The following NLRP10 variants were observed in gnomAD, a reference collection of about 807,000 sequenced individuals.
NLRP10 encodes the protein NACHT, LRR and PYD domains-containing protein 10.
Under a neutral mutation model 8.2 loss-of-function variants are expected in NLRP10, and 7 were observed. The ratio of observed to expected loss-of-function variants is 0.85; its 90% CI spans 0.48 to 1.60. The LOEUF (loss-of-function observed/expected upper bound fraction) is 1.60, where lower values mean the gene tolerates loss of function less well. Ranked by LOEUF, NLRP10 falls within the 40% of genes most tolerant of loss-of-function variation. The probability of loss-of-function intolerance (pLI) is 0.00; values close to 1 mark genes in which losing one functional copy is unlikely to be tolerated. For synonymous variants in NLRP10, 338 were observed against 314.0 expected (o/e 1.08, Z -0.81); for missense variants, 814 against 776.3 (o/e 1.05, Z -0.58).
chr11:7,960,120 G>C lies in NLRP10; in HGVS notation c.1492C>G (p.Leu498Val). The C allele has an allele frequency of 2.5e-6, 4 of 1,614,070 alleles. No individual in the cohort carries two copies. The highest frequency in any genetic ancestry group is 3.4e-6 in the Non-Finnish European group (4 of 1,179,984). ...CCTTCCTGCTCCTTTACCTCCAGCAGCCTTTGCACTTCTCTGCGGGACTCC... is the reference window on the plus strand; with the variant it reads ...CCTTCCTGCTCCTTTACCTCCAGCACCCTTTGCACTTCTCTGCGGGACTCC... ...GKESRREVQRLLEVKEQEGND... is the reference protein window; with the variant it reads ...GKESRREVQRVLEVKEQEGND... Residue 498 changes from leucine (L) to valine (V), a missense_variant, in exon 3 of 3, where the codon CTG becomes GTG. Transcript: ENST00000691676.
At position 7,959,485 on chromosome 11, in the gene NLRP10, A is replaced by C. The variant is rs1446686954; in HGVS notation, c.*159T>G. ...GGGATCTTGATTGGGATTGCATTGA[A>C]TCTACAGATCAAACTGGGGAAAACT... On this transcript the variant is annotated 3_prime_UTR_variant, in exon 3 of 3. Transcript: ENST00000691676. The C allele has an allele frequency of 1.9e-6, 1 of 526,400 alleles. No homozygotes were observed. The highest frequency in any genetic ancestry group is 3.7e-5 in the Admixed American group (1 of 26,712). The allele number at this position is 526,400 out of a possible 1,614,324, so 32.6% of individuals were successfully genotyped here.
chr11:7,958,710 C>T lies in NLRP10; in HGVS notation c.*934G>A, dbSNP rs1054107077. On this transcript the variant is annotated 3_prime_UTR_variant, in exon 3 of 3. Coordinates refer to ENST00000691676, the MANE Select transcript of NLRP10 (RefSeq NM_001391958.1). ...GACTACAGGTGTGCACCACCACGCC[C>T]GGCTAACTTTCGTATTTTTAGTAAA... Among the ~76,000 whole-genome samples the T allele has an allele frequency of 3.3e-5, 5 of 152,102 alleles. No homozygotes were observed. Among genetic ancestry groups the T allele is most frequent in the African/African-American group, 4.8e-5 (2 of 41,418 alleles).
rs991168607 is a variant in NLRP10 at position 7,964,446 on chromosome 11, G to C, written c.-46+800C>G. Among the ~76,000 whole-genome samples, 15 of 152,324 alleles carry C rather than the reference G, an allele frequency of 9.8e-5. No individual in the cohort carries two copies. In the East Asian group the frequency reaches 2.7e-3, roughly 27 times the overall value. On this transcript the variant is annotated intron_variant, in intron 1 of 2. Coordinates refer to ENST00000691676, the MANE Select transcript of NLRP10 (RefSeq NM_001391958.1). ...CAAATCCAGATAATGATAGGAAGAG[G>C]AACCGCCACCTGTGAGTGCTGACTT... is the stretch of plus-strand genomic sequence containing the variant.
chr11:7,959,967 TA>T lies in NLRP10; in HGVS notation c.1644del (p.Phe548LeufsTer8). On this transcript the variant is annotated frameshift_variant, in exon 3 of 3. Transcript: ENST00000691676. LOFTEE classifies it low-confidence loss of function (END_TRUNC). ...SPCLAQDLKHFKEQMESMKHN... is the reference protein window; with the variant it reads ...SPCLAQDLKHXKEQMESMKHN... Reference sequence around the variant, plus strand: ...TGCTTCATAGATTCCATCTGTTCTTTAAAATGCTTCAGATCCTGCGCTAAAC... The same window carrying T: ...TGCTTCATAGATTCCATCTGTTCTTTAAATGCTTCAGATCCTGCGCTAAAC... The T allele has an allele frequency of 6.2e-7, 1 of 1,614,154 alleles. No individual in the cohort carries two copies. Among genetic ancestry groups the T allele is most frequent in the Non-Finnish European group, 8.5e-7 (1 of 1,180,016 alleles).
Position 7,958,557 on chromosome 11 carries a change from CT to C in NLRP10, c.*1086del, listed in dbSNP as rs972056239. Among the ~76,000 whole-genome samples, 52 of 145,964 alleles carry C rather than the reference CT, an allele frequency of 3.6e-4. No individual in the cohort carries two copies. Among genetic ancestry groups the C allele is most frequent in the Non-Finnish European group, 4.7e-4 (31 of 66,008 alleles). On this transcript the variant is annotated 3_prime_UTR_variant, in exon 3 of 3. Coordinates refer to ENST00000691676, the MANE Select transcript of NLRP10 (RefSeq NM_001391958.1). The stretch of plus-strand genomic sequence containing the variant: ...TGTCTGTTCCAATCTTTTTACTCAC[CT>C]TTTTTTTTTTGAGGCAGAGTCTCAC...
At position 7,959,396 on chromosome 11, in the gene NLRP10, G is replaced by T; in HGVS notation, c.*248C>A. ...TCTTCAATATTTTATTGGCTATTCT[G>T]AGTCTTTTGCCTTTGCACATAAACA... On this transcript the variant is annotated 3_prime_UTR_variant, in exon 3 of 3. Coordinates refer to ENST00000691676, the MANE Select transcript of NLRP10 (RefSeq NM_001391958.1). 1 of 405,762 alleles carries T rather than the reference G, an allele frequency of 2.5e-6. No homozygotes were observed. The highest frequency in any genetic ancestry group is 4.3e-6 in the Non-Finnish European group (1 of 232,406). The allele number at this position is 405,762 out of a possible 1,614,324, so 25.1% of individuals were successfully genotyped here.
At position 7,960,333 on chromosome 11, in the gene NLRP10, G is replaced by A; in HGVS notation, c.1279C>T (p.Leu427=). The A allele has an allele frequency of 6.2e-7, 1 of 1,614,060 alleles. No individual in the cohort carries two copies. The highest frequency in any genetic ancestry group is 8.5e-7 in the Non-Finnish European group (1 of 1,180,010). Residue 427 remains leucine (L), a synonymous_variant, in exon 3 of 3, where the codon CTA becomes TTA. Transcript: ENST00000691676. ...TTCCTGAGCTCAGCTTCTTCAAATA[G>A]GAACCTCTGGTGCTGAATCCCTTCA... is the stretch of plus-strand genomic sequence containing the variant. ...AAEGIQHQRF[L]FEEAELRKHN...
Position 7,963,264 on chromosome 11 carries a change from A to G in NLRP10, c.232T>C (p.Leu78=), listed in dbSNP as rs1426615450. 6.2e-7 allele frequency: 1 copy of G among 1,614,216 alleles called. No individual in the cohort carries two copies. Among genetic ancestry groups the G allele is most frequent in the Non-Finnish European group, 8.5e-7 (1 of 1,180,032 alleles). The change falls in exon 2 of 3, where the codon TTG becomes CTG. Residue 78 remains leucine, a synonymous_variant. Coordinates refer to ENST00000691676, the MANE Select transcript of NLRP10 (RefSeq NM_001391958.1). ...KEAVKVVLKG[L]KVMNLLELVD... ...AGTTCCAACAGGTTCATGACCTTCA[A>G]GCCCTTGAGGACAACTTTCACAGCC... is the stretch of plus-strand genomic sequence containing the variant.
In NLRP10 at chr11:7,960,154, C is replaced by G; in HGVS notation, c.1458G>C (p.Arg486=). The change falls in exon 3 of 3, where the codon CGG becomes CGC. Residue 486 remains arginine, a synonymous_variant. Transcript: ENST00000691676. The part of the protein sequence containing the change: ...MSYLVKEDQS[R]LGKESRREVQ... The stretch of plus-strand genomic sequence containing the variant: ...CTTCTCTGCGGGACTCCTTCCCCAG[C>G]CGGCTTTGGTCCTCTTTCACCAGGT... 6.2e-7 allele frequency: 1 copy of G among 1,614,082 alleles called. No homozygotes were observed. The highest frequency in any genetic ancestry group is 8.5e-7 in the Non-Finnish European group (1 of 1,179,906).
intron 1 of NLRP10, among the ~76,000 whole-genome samples, chr11:7,963,929 TA>T (rs1201505369): frequency 6.6e-6 from 1 of 152,162 alleles, no homozygotes; most frequent in South Asian, 2.1e-4. Flanking sequence ...TTTTTTATTT[TA>T]TTTTTTTTGG....
Position 7,960,492 on chromosome 11 carries a change from C to A in NLRP10, c.1120G>T (p.Val374Phe), listed in dbSNP as rs200019436. ...LQGQMERGKVVLETPRNSTDI... is the reference protein window; with the variant it reads ...LQGQMERGKVFLETPRNSTDI... The stretch of plus-strand genomic sequence containing the variant: ...GTGCTGTTTCTAGGTGTCTCTAAGA[C>A]AACTTTGCCTCTCTCCATCTGCCCC... The change falls in exon 3 of 3, where the codon GTC becomes TTC. Residue 374 changes from valine (V) to phenylalanine (F), a missense_variant. Transcript: ENST00000691676. 6.2e-7 allele frequency: 1 copy of A among 1,614,168 alleles called. No individual in the cohort carries two copies. The highest frequency in any genetic ancestry group is 2.2e-5 in the East Asian group (1 of 44,874).
At position 7,959,532 on chromosome 11, in the gene NLRP10, C is replaced by A. The variant is rs1314725843; in HGVS notation, c.*112G>T. On this transcript the variant is annotated 3_prime_UTR_variant, in exon 3 of 3. Coordinates refer to ENST00000691676, the MANE Select transcript of NLRP10 (RefSeq NM_001391958.1). ...AACTAACATCTTAACAATATTGAGT[C>A]TTTCTATTCATGAACATGGAAAATC... The A allele has an allele frequency of 1.7e-6, 1 of 600,284 alleles. No homozygotes were observed. The highest frequency in any genetic ancestry group is 3.6e-5 in the Admixed American group (1 of 28,052). 37.2% of individuals were successfully genotyped at this position (600,284 alleles called of 1,614,324 possible).
chr11:7,963,562 G>T, intron 1 of NLRP10, 22 bp from the exon 2 acceptor site: 1 of 1,456,470 alleles, frequency 6.9e-7, no homozygotes, highest in Non-Finnish European at 9.3e-7. Context: ...GGCAAAAGGA[G>T]AGGTCCACTG....
At position 7,959,625 on chromosome 11, in the gene NLRP10, T is replaced by C. The variant is rs202122418; in HGVS notation, c.*19A>G. On this transcript the variant is annotated 3_prime_UTR_variant, in exon 3 of 3. Coordinates refer to ENST00000691676, the MANE Select transcript of NLRP10 (RefSeq NM_001391958.1). ...GTTGTCATTTTCCTCATAGAGATCT[T>C]GTACATATTTAATTAGGTTTATATG... is the stretch of plus-strand genomic sequence containing the variant. 2 of 1,240,436 alleles carry C rather than the reference T, an allele frequency of 1.6e-6. No homozygotes were observed. Among genetic ancestry groups the C allele is most frequent in the African/African-American group, 3.0e-5 (2 of 66,274 alleles). 76.8% of individuals were successfully genotyped at this position (1,240,436 alleles called of 1,614,324 possible). A position where few individuals can be genotyped will look rare whatever the true frequency, so the allele number is the denominator to read the frequency against.
intron 1 of NLRP10, among the ~76,000 whole-genome samples, chr11:7,964,676 A>C (rs1941791957): frequency 1.3e-5 from 2 of 152,238 alleles, no homozygotes; most frequent in Non-Finnish European, 2.9e-5. Context: ...AAAGAAATAG[A>C]AGACAGAGTC....
chr11:7,959,969 A>C lies in NLRP10; in HGVS notation c.1643T>G (p.Phe548Cys). The change falls in exon 3 of 3, where the codon TTT becomes TGT. Residue 548 changes from phenylalanine to cysteine, a missense_variant. Transcript: ENST00000691676. ...SPCLAQDLKHFKEQMESMKHN... is the reference protein window; with the variant it reads ...SPCLAQDLKHCKEQMESMKHN... ...CTTCATAGATTCCATCTGTTCTTTA[A>C]AATGCTTCAGATCCTGCGCTAAACA... 1 of 1,614,110 alleles carries C rather than the reference A, an allele frequency of 6.2e-7. No homozygotes were observed. Among genetic ancestry groups the C allele is most frequent in the Non-Finnish European group, 8.5e-7 (1 of 1,179,994 alleles).
chr11:7,961,306 G>T lies in NLRP10; in HGVS notation c.306C>A (p.Tyr102Ter). Residue 102 changes from tyrosine to a stop codon, truncating the protein, a stop_gained, in exon 3 of 3, where the codon TAC becomes TAA. Coordinates refer to ENST00000691676, the MANE Select transcript of NLRP10 (RefSeq NM_001391958.1). LOFTEE classifies it low-confidence loss of function (END_TRUNC). ...HICLHDYREV[Y>*]REHVRCLEEW... ...CCTCTAGGCAGCGCACATGCTCTCG[G>T]TATACTTCTCTGTAATCTGAGCCAA... 1 of 1,566,566 alleles carries T rather than the reference G, an allele frequency of 6.4e-7. No homozygotes were observed. The highest frequency in any genetic ancestry group is 8.7e-7 in the Non-Finnish European group (1 of 1,154,984).
rs1206830844 is a variant in NLRP10 at position 7,963,246 on chromosome 11, A to T, written c.250T>A (p.Leu84Met). Reference protein sequence around the residue: ...VLKGLKVMNLLELVDQLSHIC... With the variant: ...VLKGLKVMNLMELVDQLSHIC... ...TGGCTGAGCTGGTCCACAAGTTCCA[A>T]CAGGTTCATGACCTTCAAGCCCTTG... Residue 84 changes from leucine to methionine, a missense_variant, in exon 2 of 3, where the codon TTG (leucine) becomes ATG (methionine). Transcript: ENST00000691676. 3 of 1,614,184 alleles carry T rather than the reference A, an allele frequency of 1.9e-6. No individual in the cohort carries two copies. The highest frequency in any genetic ancestry group is 1.7e-6 in the Non-Finnish European group (2 of 1,180,024).
rs1370317151 is a variant in NLRP10 at position 7,959,709 on chromosome 11, G to A, written c.1903C>T (p.Gln635Ter). Reference protein sequence around the residue: ...KEGKDNIAGTQKEASTGKGRG... With the variant: ...KEGKDNIAGT Reference sequence around the variant, plus strand: ...CCTTTTCCAGTAGAAGCTTCCTTTTGTGTTCCTGCTATATTATCTTTGCCC... The same window carrying A: ...CCTTTTCCAGTAGAAGCTTCCTTTTATGTTCCTGCTATATTATCTTTGCCC... Residue 635 changes from glutamine to a stop codon, truncating the protein, a stop_gained, in exon 3 of 3, where the codon CAA becomes TAA. Coordinates refer to ENST00000691676, the MANE Select transcript of NLRP10 (RefSeq NM_001391958.1). LOFTEE classifies it low-confidence loss of function (END_TRUNC). 6.2e-7 allele frequency: 1 copy of A among 1,602,976 alleles called. No individual in the cohort carries two copies. The highest frequency in any genetic ancestry group is 1.8e-5 in the Admixed American group (1 of 56,686).
Sources: allele counts gnomAD v4.1 joint callset (sites outside exome capture counted in the v4.1 genomes callset), GRCh38; gene constraint gnomAD v4.1.1; transcripts MANE v1.5; gene names NCBI Gene and HGNC (gene_info 2026-07-23, HGNC 2026-07-21).